Variants in GRM8 observed in about 807,000 individuals in gnomAD.
GRM8 encodes the protein glutamate metabotropic receptor 8.
A neutral mutation model predicts 87.2 loss-of-function variants in GRM8; 47 were observed. The ratio of observed to expected loss-of-function variants is 0.54; its 90% CI spans 0.43 to 0.69. The LOEUF (loss-of-function observed/expected upper bound fraction) is 0.69, where lower values mean the gene tolerates loss of function less well. GRM8 is among the 30% of genes least tolerant of loss of function. The pLI is 0.00. For missense variants in GRM8, 1,019 were observed against 1,139.2 expected, an observed-to-expected ratio of 0.89 and a Z score of 1.52; for synonymous variants, 396 against 404.5, an observed-to-expected ratio of 0.98 and a Z score of 0.25.
intron 8 of GRM8, among the ~76,000 whole-genome samples, chr7:126,601,429 T>G (rs1585182418): frequency 6.6e-6 from 1 of 152,276 alleles, no homozygotes; most frequent in South Asian, 2.1e-4. Context: ...TGATTTATAG[T>G]CATTTGGGTA....
chr7:126,802,033 G>T (rs925106446), intron 6 of GRM8, among the ~76,000 whole-genome samples: 1 of 152,192 alleles, frequency 6.6e-6, no homozygotes, highest in East Asian at 1.9e-4. Flanking sequence ...CGTTTCCCTT[G>T]TTATGTTAGA....
intron 6 of GRM8, among the ~76,000 whole-genome samples, chr7:126,789,302 A>AT (rs111259044): frequency 1.1e-4 from 17 of 151,142 alleles, no homozygotes; most frequent in African/African-American, 2.4e-4. Flanking sequence ...CAACAAAGGC[A>AT]TTTTTTTTTC....
At chr7:126,996,870 C>T (rs534779922) in intron 3 of GRM8, among the ~76,000 whole-genome samples, 1 of 152,052 alleles carries the variant, frequency 6.6e-6, no homozygotes, top group Non-Finnish European at 1.5e-5. Context: ...CCACTTTCAA[C>T]ATTGTTGATT....
At chr7:126,692,824 A>C (rs1808968331) in intron 7 of GRM8, among the ~76,000 whole-genome samples, 1 of 152,198 alleles carries the variant, frequency 6.6e-6, no homozygotes, top group Admixed American at 6.5e-5. Flanking sequence ...ATTCCTATCA[A>C]AGGTCAAATC....
intron 3 of GRM8, among the ~76,000 whole-genome samples, chr7:126,912,409 C>T (rs1334512775): frequency 1.3e-5 from 2 of 152,288 alleles, no homozygotes; most frequent in East Asian, 1.9e-4. Flanking sequence ...GTGCCTCTGG[C>T]TCTGAGGCAT....
intron 8 of GRM8, among the ~76,000 whole-genome samples, chr7:126,584,937 C>G (rs1367219968): frequency 6.6e-6 from 1 of 151,968 alleles, no homozygotes; most frequent in African/African-American, 2.4e-5. Flanking sequence ...TCATGTTAGT[C>G]TTAGTATTCA....
intron 7 of GRM8, among the ~76,000 whole-genome samples, chr7:126,641,133 A>T (rs912248914): frequency 1.3e-5 from 2 of 152,178 alleles, no homozygotes; most frequent in African/African-American, 4.8e-5. Context: ...TTTGAATCAT[A>T]TTCTTCAAGA....
In GRM8 at chr7:126,533,313, A is replaced by G. The variant is rs766573620; in HGVS notation, c.2069T>C (p.Ile690Thr). 7 of 1,613,738 alleles carry G rather than the reference A, an allele frequency of 4.3e-6. No homozygotes were observed. The highest frequency in any genetic ancestry group is 5.9e-6 in the Non-Finnish European group (7 of 1,179,878). The change falls in exon 9 of 11, where the codon ATT becomes ACT. Residue 690 changes from isoleucine to threonine, a missense_variant. Physicochemically the swap from Ile to Thr is moderately conservative, Grantham distance 89. Coordinates refer to ENST00000339582, the MANE Select transcript of GRM8 (RefSeq NM_000845.3). ...GKKSVTAPKF[I>T]SPASQLVITF... ...GATCACCAGCTGAGATGCTGGACTA[A>G]TGAACTTGGGCGCTGTGACAGATTT...
At chr7:126,567,688 A>C (rs1198224118) in intron 8 of GRM8, among the ~76,000 whole-genome samples, 1 of 152,096 alleles carries the variant, frequency 6.6e-6, no homozygotes, top group Non-Finnish European at 1.5e-5. Context: ...ATAAAAAGAT[A>C]TTTCCCCATT....
At chr7:126,918,933 G>T (rs1225948020) in intron 3 of GRM8, among the ~76,000 whole-genome samples, 1 of 152,214 alleles carries the variant, frequency 6.6e-6, no homozygotes, top group Middle Eastern at 3.4e-3. Context: ...ATAACAATTT[G>T]TTACTTCATA....
At chr7:126,896,318 G>A (rs1426057835) in intron 6 of GRM8, among the ~76,000 whole-genome samples, 1 of 151,888 alleles carries the variant, frequency 6.6e-6, no homozygotes, top group Admixed American at 6.6e-5. Context: ...AAGAGCATAT[G>A]GATGGCTACC....
intron 9 of GRM8, among the ~76,000 whole-genome samples, chr7:126,496,970 A>AT (rs71177562): frequency 0.37 from 53,579 of 142,948 alleles, 10,142 homozygotes; most frequent in Admixed American, 0.41. Flanking sequence ...TGAGTTTTGG[A>AT]TTTTTTTTTT....
chr7:126,903,329 C>T (rs1586390644), intron 5 of GRM8, among the ~76,000 whole-genome samples: 1 of 151,944 alleles, frequency 6.6e-6, no homozygotes, highest in East Asian at 1.9e-4. Flanking sequence ...GATAGACTGC[C>T]TTTCAGGATG....
intron 6 of GRM8, chr7:126,869,457 G>A (rs1228615981): frequency 2.0e-5 from 3 of 152,116 alleles, no homozygotes; most frequent in Non-Finnish European, 2.9e-5. Context: ...CATCAGAGAA[G>A]TCACTATGTA....
chr7:126,472,236 T>C (rs960680155), intron 9 of GRM8, among the ~76,000 whole-genome samples: 4 of 152,098 alleles, frequency 2.6e-5, no homozygotes, highest in African/African-American at 9.6e-5. Context: ...TGAATAGGAG[T>C]GGTGAGAGAG....
chr7:126,518,611 T>C lies in GRM8; in HGVS notation c.2430+14341A>G, dbSNP rs1277509335. On this transcript the variant is annotated intron_variant, in intron 9 of 10. Coordinates refer to ENST00000339582, the MANE Select transcript of GRM8 (RefSeq NM_000845.3). ...ATCATACGTTTGTATCATGCTATGT[T>C]GATGTGAATGCAATTGATTAAGGTT... Among the ~76,000 whole-genome samples, 5 of 152,160 alleles carry C rather than the reference T, an allele frequency of 3.3e-5. No homozygotes were observed. The East Asian group carries it at 5.8e-4, about 18-fold the overall frequency.
At chr7:126,771,180 A>G (rs1271884524) in intron 6 of GRM8, among the ~76,000 whole-genome samples, 1 of 152,138 alleles carries the variant, frequency 6.6e-6, no homozygotes, top group Non-Finnish European at 1.5e-5. Flanking sequence ...CTGAACATCA[A>G]TGCATATAAC....
intron 7 of GRM8, among the ~76,000 whole-genome samples, chr7:126,710,894 C>T (rs567800913): frequency 5.8e-4 from 88 of 152,306 alleles, no homozygotes; most frequent in Non-Finnish European, 9.8e-4. Context: ...CATTTCTTGG[C>T]TGGGTACATG....
intron 7 of GRM8, among the ~76,000 whole-genome samples, chr7:126,768,852 C>T (rs1047773999): frequency 1.4e-5 from 2 of 147,496 alleles, no homozygotes; most frequent in South Asian, 4.3e-4. Context: ...TAATGTTTCA[C>T]AAATATTCTG....
Sources: gnomAD v4.1 joint callset for allele counts (sites outside exome capture counted in the v4.1 genomes callset) on GRCh38, gnomAD v4.1.1 for gene constraint, MANE v1.5 for transcripts, NCBI Gene and HGNC (gene_info 2026-07-23, HGNC 2026-07-21) for gene names.